Variants in PLEKHA7 observed in about 807,000 individuals in gnomAD.
PLEKHA7 encodes pleckstrin homology domain-containing family A member 7.
A neutral mutation model predicts 170.0 loss-of-function variants in PLEKHA7; 104 were observed. That is an observed-to-expected ratio of 0.61 (90% CI 0.52 to 0.72). PLEKHA7 has a LOEUF of 0.72. Among genes scored for constraint, PLEKHA7 ranks in the 30% least tolerant of loss-of-function variants. The probability of loss-of-function intolerance (pLI) is 0.00; values close to 1 mark genes in which losing one functional copy is unlikely to be tolerated. For missense variants in PLEKHA7, 1,615 were observed against 1,671.7 expected (o/e 0.97, Z 0.59); for synonymous variants, 648 against 660.8 (o/e 0.98, Z 0.30).
chr11:16,948,718 G>A (rs1225689533), intron 3 of PLEKHA7, among the ~76,000 whole-genome samples: 2 of 152,118 alleles, frequency 1.3e-5, no homozygotes, highest in Non-Finnish European at 2.9e-5. Flanking sequence ...AGCTGGAGAA[G>A]ATGAAAAGCA....
At chr11:17,012,587 ATAT>A (rs899323143) in intron 3 of PLEKHA7, among the ~76,000 whole-genome samples, 4 of 152,126 alleles carry the variant, frequency 2.6e-5, no homozygotes, top group African/African-American at 9.7e-5. Flanking sequence ...CCACGATCTG[ATAT>A]TATTATTTGT....
intron 17 of PLEKHA7, chr11:16,795,430 GAAAGTTCTGGAGATTGGGCGCACAA>G (rs1364570081): frequency 5.5e-6 from 1 of 182,878 alleles, no homozygotes; most frequent in African/African-American, 2.4e-5. Flanking sequence ...ATACAGGATA[GAAAGTTCTGGAGATTGGGCGCACAA>G]AAATGTGAAT....
At chr11:16,990,518 C>T (rs1276278781) in intron 3 of PLEKHA7, among the ~76,000 whole-genome samples, 1 of 152,188 alleles carries the variant, frequency 6.6e-6, no homozygotes, top group Non-Finnish European at 1.5e-5. Flanking sequence ...TCAGTTACTC[C>T]TAAGGCTGTG....
chr11:16,893,707 C>A (rs529404995), intron 3 of PLEKHA7, among the ~76,000 whole-genome samples: 1 of 152,254 alleles, frequency 6.6e-6, no homozygotes, highest in East Asian at 1.9e-4. Context: ...ATGGAATGAC[C>A]CACATAAATC....
intron 3 of PLEKHA7, among the ~76,000 whole-genome samples, chr11:16,988,163 G>A (rs987379940): frequency 6.6e-6 from 1 of 152,256 alleles, no homozygotes; most frequent in Non-Finnish European, 1.5e-5. Context: ...GCTGTAAGGG[G>A]CTAAGCCAGG....
intron 4 of PLEKHA7, among the ~76,000 whole-genome samples, chr11:16,859,645 A>G (rs1420342363): frequency 6.6e-6 from 1 of 152,246 alleles, no homozygotes; most frequent in Middle Eastern, 3.2e-3. Flanking sequence ...GTTTCCCATT[A>G]AGAGCCTGGT....
Position 16,846,980 on chromosome 11 carries a change from C to T in PLEKHA7, c.696+4211G>A, listed in dbSNP as rs570939070. ...GAGAAGAAGGGTACTTAACCTGTCC[C>T]GAGGGCTCAGAGAAGGCTTCCCAGA... On this transcript the variant is annotated intron_variant, in intron 8 of 26. Coordinates refer to ENST00000531066, the MANE Select transcript of PLEKHA7 (RefSeq NM_001329630.2). 3.3e-5 allele frequency among the ~76,000 whole-genome samples: 5 copies of T among 151,356 alleles called. No individual in the cohort carries two copies. The South Asian group carries it at 1.0e-3, about 32-fold the overall frequency.
chr11:16,813,584 A>G (rs1027641340), intron 12 of PLEKHA7, among the ~76,000 whole-genome samples: 3 of 152,200 alleles, frequency 2.0e-5, no homozygotes, highest in South Asian at 2.1e-4. Context: ...ATCACTTCAC[A>G]TGCATGAAGA....
chr11:16,822,573 G>A (rs546262595), intron 10 of PLEKHA7, among the ~76,000 whole-genome samples: 18 of 150,010 alleles, frequency 1.2e-4, no homozygotes, highest in East Asian at 3.9e-4. Flanking sequence ...CTGCAGCACC[G>A]TGCACTGCTG....
chr11:16,945,460 CAA>C (rs895997114), intron 3 of PLEKHA7, among the ~76,000 whole-genome samples: 1 of 152,096 alleles, frequency 6.6e-6, no homozygotes, highest in African/African-American at 2.4e-5. Flanking sequence ...CTGCCTTCCC[CAA>C]AAGACTGAGA....
At chr11:16,833,860 C>G (rs905755462) in intron 9 of PLEKHA7, among the ~76,000 whole-genome samples, 1 of 152,176 alleles carries the variant, frequency 6.6e-6, no homozygotes, top group African/African-American at 2.4e-5. Flanking sequence ...CACAAACCCA[C>G]AGAGCTAGAG....
intron 8 of PLEKHA7, among the ~76,000 whole-genome samples, chr11:16,845,541 A>T (rs962774565): frequency 3.3e-5 from 5 of 151,936 alleles, no homozygotes; most frequent in African/African-American, 1.2e-4. Context: ...TAATTTTTGT[A>T]TTTTTTGTAG....
At chr11:16,828,275 G>A (rs980444962) in intron 9 of PLEKHA7, among the ~76,000 whole-genome samples, 1 of 152,084 alleles carries the variant, frequency 6.6e-6, no homozygotes, top group African/African-American at 2.4e-5. Context: ...CCTGACAGTG[G>A]GTGCGTTCTC....
At chr11:16,807,565 T>C (rs1162063155) in intron 13 of PLEKHA7, among the ~76,000 whole-genome samples, 2 of 152,176 alleles carry the variant, frequency 1.3e-5, no homozygotes, top group Non-Finnish European at 2.9e-5. Flanking sequence ...AGGAGGAACA[T>C]GATAGAAGGG....
intron 3 of PLEKHA7, among the ~76,000 whole-genome samples, chr11:16,902,923 T>C (rs1384504769): frequency 6.6e-6 from 1 of 152,210 alleles, no homozygotes; most frequent in Admixed American, 6.5e-5. Context: ...AATCCATAAA[T>C]GCTTTGAAAC....
At chr11:16,839,392 A>G (rs1189738742) in intron 9 of PLEKHA7, among the ~76,000 whole-genome samples, 3 of 150,630 alleles carry the variant, frequency 2.0e-5, no homozygotes, top group Non-Finnish European at 4.4e-5. Context: ...TTTTATATTT[A>G]GAATGTTTTC....
At chr11:16,801,955 G>A in intron 15 of PLEKHA7, 138 bp from the exon 16 acceptor site, 5 of 1,049,656 alleles carry the variant, frequency 4.8e-6, no homozygotes, top group Non-Finnish European at 6.8e-6. Context: ...CCACAGTCGG[G>A]GCTCTGATGC....
chr11:16,907,209 TGG>T (rs1343475851), intron 3 of PLEKHA7, among the ~76,000 whole-genome samples: 2 of 76,134 alleles, frequency 2.6e-5, no homozygotes, highest in Non-Finnish European at 4.7e-5. Flanking sequence ...GGGAGGGAGG[TGG>T]GGGGGTCATC....
intron 3 of PLEKHA7, among the ~76,000 whole-genome samples, chr11:16,892,978 C>T (rs1856765788): frequency 6.6e-6 from 1 of 152,130 alleles, no homozygotes; most frequent in African/African-American, 2.4e-5. Context: ...AAACAAGTTC[C>T]CTAGGGCCCC....
Sources: allele counts gnomAD v4.1 joint callset (sites outside exome capture counted in the v4.1 genomes callset), GRCh38; gene constraint gnomAD v4.1.1; transcripts MANE v1.5; gene names NCBI Gene and HGNC (gene_info 2026-07-23, HGNC 2026-07-21).